Variants in MTA1 observed in about 807,000 individuals in gnomAD.
The protein encoded by MTA1 is metastasis-associated protein MTA1.
In MTA1, 15 loss-of-function variants were observed where a neutral mutation model predicts 97.0. The observed-to-expected ratio is 0.15, with a 90% CI of 0.10 to 0.24. MTA1 has a LOEUF of 0.24. Ranked by LOEUF, MTA1 falls within the 10% of genes least tolerant of loss-of-function variation. The pLI, the probability that MTA1 is intolerant of heterozygous loss-of-function variation, is 1.00. For missense variants in MTA1, 709 were observed against 1,015.1 expected, an observed-to-expected ratio of 0.70 and a Z score of 4.10; for synonymous variants, 435 against 417.5, an observed-to-expected ratio of 1.04 and a Z score of -0.51.
chr14:105,455,760 G>C (rs2083123089), intron 7 of MTA1, among the ~76,000 whole-genome samples: 1 of 152,240 alleles, frequency 6.6e-6, no homozygotes, highest in African/African-American at 2.4e-5. Context: ...GGGCTCGTGG[G>C]CCTGCTACAT....
intron 7 of MTA1, among the ~76,000 whole-genome samples, chr14:105,457,931 T>A (rs587627971): frequency 7.1e-4 from 107 of 149,892 alleles, no homozygotes; most frequent in Admixed American, 2.3e-3. Flanking sequence ...TCTCAAAAAA[T>A]AATAATAATA....
rs1436333320 is a variant in MTA1, at chr14:105,449,481, A to AG, written c.241+75dup. ...TGGGCTGGGGGCGGCAGCGCCGCTG[A>AG]GGGACAGAGTTTGGGCGGGCCGCCT... On this transcript the variant is annotated intron_variant, in intron 4 of 20. Coordinates refer to ENST00000331320, the MANE Select transcript of MTA1 (RefSeq NM_004689.4). The AG allele has an allele frequency of 2.1e-5, 33 of 1,539,632 alleles. No homozygotes were observed. In the East Asian group the frequency reaches 7.6e-4, roughly 36 times the overall value.
chr14:105,448,431 T>G (rs1166064776), intron 3 of MTA1, among the ~76,000 whole-genome samples: 2 of 152,158 alleles, frequency 1.3e-5, no homozygotes, highest in Non-Finnish European at 2.9e-5. Context: ...CTGTCCAGGC[T>G]GGGTCAGTGC....
chr14:105,469,450 C>CCTCCA lies in MTA1; in HGVS notation c.1814-16_1814-12dup, dbSNP rs2141722685. 3 of 1,612,834 alleles carry CCTCCA rather than the reference C, an allele frequency of 1.9e-6. No individual in the cohort carries two copies. The East Asian group carries it at 6.7e-5, about 36-fold the overall frequency. The stretch of plus-strand genomic sequence containing the variant: ...CGCTCTCTCGGGGCCTCATTTCTCT[C>CCTCCA]CTCCATTTCTCATCAGGTCTGGCAA... On this transcript the variant is annotated splice_polypyrimidine_tract_variant and intron_variant, in intron 18 of 20. Coordinates refer to ENST00000331320, the MANE Select transcript of MTA1 (RefSeq NM_004689.4).
intron 18 of MTA1, 165 bp from the exon 19 acceptor site, chr14:105,469,302 G>A (rs2083728622): frequency 2.8e-6 from 2 of 723,310 alleles, no homozygotes; most frequent in Non-Finnish European, 4.8e-6. Context: ...CAGGACCCGG[G>A]GATGCGAGGC....
chr14:105,434,169 C>T (rs1212052607), intron 1 of MTA1, among the ~76,000 whole-genome samples: 7 of 152,154 alleles, frequency 4.6e-5, no homozygotes, highest in African/African-American at 1.7e-4. Context: ...TACATTAGTC[C>T]CTATGTAATA....
chr14:105,420,027 G>T lies in MTA1; in HGVS notation c.-9G>T, dbSNP rs1221436039. 1.9e-6 allele frequency: 2 copies of T among 1,060,904 alleles called. No individual in the cohort carries two copies. Among genetic ancestry groups the T allele is most frequent in the African/African-American group, 3.5e-5 (2 of 56,488 alleles). The allele number at this position is 1,060,904 out of a possible 1,614,324, so 65.7% of individuals were successfully genotyped here. ...CGCCCCGGGCCCCTCCGCCGCCGCC[G>T]GCCCGGACATGGCCGCCAACATGTA... On this transcript the variant is annotated 5_prime_UTR_variant, in exon 1 of 21. Transcript: ENST00000331320. This position sits in a 1 kb window ranked among gnomAD's most constrained non-coding sequence, Gnocchi z 5.3.
chr14:105,451,163 C>T (rs1397877483), intron 6 of MTA1, among the ~76,000 whole-genome samples: 4 of 152,216 alleles, frequency 2.6e-5, no homozygotes, highest in African/African-American at 9.7e-5. Flanking sequence ...CAGGGGGGCT[C>T]ATCTCTGTCG....
At chr14:105,447,634 G>A (rs1175036374) in intron 3 of MTA1, among the ~76,000 whole-genome samples, 2 of 152,184 alleles carry the variant, frequency 1.3e-5, no homozygotes, top group Non-Finnish European at 2.9e-5. Flanking sequence ...ACACAGCACA[G>A]CCCCTTTGGA....
In MTA1 at chr14:105,469,999, C is replaced by T; in HGVS notation, c.1997+7C>T. 4 of 1,612,462 alleles carry T rather than the reference C, an allele frequency of 2.5e-6. No individual in the cohort carries two copies. The highest frequency in any genetic ancestry group is 3.4e-6 in the Non-Finnish European group (4 of 1,179,824). On this transcript the variant is annotated splice_region_variant and intron_variant, in intron 20 of 20. Transcript: ENST00000331320. The stretch of plus-strand genomic sequence containing the variant: ...TGGCCACAGAGGAGACCAGGTGGGG[C>T]CTTCCCAGGGCAGGCGGGAGGGCTC...
In MTA1 at chr14:105,464,137, G is replaced by A; in HGVS notation, c.1182G>A (p.Glu394=). 2.5e-6 allele frequency: 4 copies of A among 1,609,996 alleles called. No homozygotes were observed. Among genetic ancestry groups the A allele is most frequent in the Non-Finnish European group, 3.4e-6 (4 of 1,179,116 alleles). Residue 394 remains glutamate (E), a synonymous_variant, in exon 13 of 21, where the codon GAG becomes GAA. Transcript: ENST00000331320. Reference sequence around the variant, plus strand: ...GCCCTGGGGCTGGCCGGGCCTGCGAGAGCTGTTACAGTAAGTGCCCTGGAT... The same window carrying A: ...GCCCTGGGGCTGGCCGGGCCTGCGAAAGCTGTTACAGTAAGTGCCCTGGAT... ...GQSPGAGRAC[E]SCYTTQSYQW...
Position 105,466,432 on chromosome 14 carries a change from A to ACCCCCCCCCCCCCCCCCCCCC in MTA1, c.1636_1637insCCCCCCCCCCCCCCCCCCCCC (p.Pro545_Arg546insProProProProProProPro). On this transcript the variant is annotated inframe_insertion, in exon 17 of 21. Coordinates refer to ENST00000331320, the MANE Select transcript of MTA1 (RefSeq NM_004689.4). ...CCTGTGTCATTCCCGGCAGAGACCC[A>ACCCCCCCCCCCCCCCCCCCCC]CCCCCGCCCCCCCAAGCCTGACCCC... The ACCCCCCCCCCCCCCCCCCCCC allele has an allele frequency of 4.1e-6, 3 of 724,484 alleles. No homozygotes were observed. The highest frequency in any genetic ancestry group is 1.5e-5 in the South Asian group (1 of 68,238). 44.9% of individuals were successfully genotyped at this position (724,484 alleles called of 1,614,324 possible). A position where few individuals can be genotyped will look rare whatever the true frequency, so the allele number is the denominator to read the frequency against.
chr14:105,463,674 G>A lies in MTA1; in HGVS notation c.1076+123G>A. On this transcript the variant is annotated intron_variant, in intron 12 of 20. Coordinates refer to ENST00000331320, the MANE Select transcript of MTA1 (RefSeq NM_004689.4). The surrounding 1 kb of genome is among the most constrained non-coding windows in gnomAD (Gnocchi z 5.9). ...CTCAGAGGCTGGGAAAGTTGGGGCA[G>A]CCCCCGGGAGGGCGGCCCAGGGCTG... is the stretch of plus-strand genomic sequence containing the variant. 2 of 1,006,406 alleles carry A rather than the reference G, an allele frequency of 2.0e-6. No individual in the cohort carries two copies. The highest frequency in any genetic ancestry group is 1.4e-5 in the South Asian group (1 of 69,746). The allele number at this position is 1,006,406 out of a possible 1,614,324, so 62.3% of individuals were successfully genotyped here. A position where few individuals can be genotyped will look rare whatever the true frequency, so the allele number is the denominator to read the frequency against.
intron 2 of MTA1, among the ~76,000 whole-genome samples, chr14:105,440,600 T>G (rs587763394): frequency 1.4e-3 from 215 of 152,364 alleles, no homozygotes; most frequent in Middle Eastern, 3.4e-3. Context: ...GTTACACATG[T>G]AGCATTGCAC....
In MTA1 at chr14:105,445,450, G is replaced by A. The variant is rs150666496; in HGVS notation, c.129G>A (p.Val43=). ...ATGGGAACGTGGAGGCCAAAGTGGT[G>A]TGCTTCTACCGGAGGCGGGACATCT... is the stretch of plus-strand genomic sequence containing the variant. The part of the protein sequence containing the change: ...TANGNVEAKV[V]CFYRRRDISS... The change falls in exon 3 of 21, where the codon GTG becomes GTA. Residue 43 remains valine (V), a synonymous_variant. Transcript: ENST00000331320. The A allele has an allele frequency of 2.7e-3, 4,300 of 1,613,790 alleles. 9 individuals are homozygous for A. The highest frequency in any genetic ancestry group is 3.1e-3 in the Non-Finnish European group (3,709 of 1,179,976).
chr14:105,464,581 C>T lies in MTA1; in HGVS notation c.1344+14C>T, dbSNP rs200128726. 6.2e-7 allele frequency: 1 copy of T among 1,612,342 alleles called. No homozygotes were observed. The highest frequency in any genetic ancestry group is 1.3e-5 in the African/African-American group (1 of 75,014). On this transcript the variant is annotated intron_variant, in intron 14 of 20. Coordinates refer to ENST00000331320, the MANE Select transcript of MTA1 (RefSeq NM_004689.4). The stretch of plus-strand genomic sequence containing the variant: ...CGCAGTAACATGGTAAGGGGGGGGA[C>T]ACCCGCCCTGCCTGCCATGAGCCTG...
chr14:105,441,651 G>A (rs781834725), intron 2 of MTA1, among the ~76,000 whole-genome samples: 66 of 152,264 alleles, frequency 4.3e-4, no homozygotes, highest in South Asian at 1.5e-3. Flanking sequence ...AAAATTAGCC[G>A]GGCGTGGTGG....
intron 9 of MTA1, 81 bp from the exon 10 acceptor site, chr14:105,460,681 TGAG>T: frequency 7.1e-7 from 1 of 1,400,178 alleles, no homozygotes. Flanking sequence ...AGGGGATCCT[TGAG>T]GTACTGAGGG....
intron 1 of MTA1, among the ~76,000 whole-genome samples, chr14:105,431,889 G>C (rs587741320): frequency 1.2e-4 from 19 of 152,220 alleles, no homozygotes; most frequent in South Asian, 6.2e-4. Context: ...GCCTCCCAAA[G>C]TGCTGGGATT....
Sources: allele counts gnomAD v4.1 joint callset (sites outside exome capture counted in the v4.1 genomes callset), GRCh38; gene constraint gnomAD v4.1.1; non-coding constraint Gnocchi (gnomAD v3.1); transcripts MANE v1.5; gene names NCBI Gene and HGNC (gene_info 2026-07-23, HGNC 2026-07-21).